IL19: variants seen among roughly 807,000 people sequenced by gnomAD.
IL19 encodes interleukin 19.
A neutral mutation model predicts 19.5 loss-of-function variants in IL19; 15 were observed. The ratio of observed to expected loss-of-function variants is 0.77; its 90% CI spans 0.52 to 1.19. The LOEUF is 1.19. IL19 is among the 50% of genes most tolerant of loss of function. The pLI, the probability that IL19 is intolerant of heterozygous loss-of-function variation, is 0.00. For synonymous variants in IL19, 78 were observed against 78.3 expected (o/e 1.00, Z 0.02); for missense variants, 199 against 213.1 (o/e 0.93, Z 0.41).
intron 5 of IL19, chr1:206,840,228 C>T: frequency 2.9e-6 from 2 of 681,052 alleles, no homozygotes. Context: ...AGATAACCCT[C>T]CTGGGGTGAC....
At chr1:206,795,993 C>T (rs550903910) in intron 1 of IL19, among the ~76,000 whole-genome samples, 2 of 150,616 alleles carry the variant, frequency 1.3e-5, no homozygotes, top group African/African-American at 4.9e-5. Flanking sequence ...GTATGGCTCA[C>T]ATGATTATGG....
chr1:206,789,436 G>A (rs886677101), intron 1 of IL19, among the ~76,000 whole-genome samples: 2 of 152,172 alleles, frequency 1.3e-5, no homozygotes, highest in African/African-American at 2.4e-5. Flanking sequence ...GAACATGGGT[G>A]TTTGGTTTTT....
chr1:206,830,235 A>G (rs1375011089), intron 2 of IL19, among the ~76,000 whole-genome samples: 4 of 152,150 alleles, frequency 2.6e-5, no homozygotes, highest in Non-Finnish European at 5.9e-5. Context: ...CTATTTCTTC[A>G]TCACTGTAAT....
chr1:206,840,818 G>T (rs551294835), intron 5 of IL19, among the ~76,000 whole-genome samples, 186 bp from the exon 6 acceptor site: 3 of 152,140 alleles, frequency 2.0e-5, no homozygotes, highest in African/African-American at 7.2e-5. Flanking sequence ...AACAAAAGGC[G>T]TGGGCAGATG....
chr1:206,781,414 CAAAAAAAAAAAAAA>C (rs57060549), intron 1 of IL19, among the ~76,000 whole-genome samples: 5 of 43,028 alleles, frequency 1.2e-4, no homozygotes, highest in South Asian at 1.3e-3. Context: ...GACTCTGTCT[CAAAAAAAAAAAAAA>C]AAAAAAAAAA....
chr1:206,805,256 T>A (rs1675820579), intron 2 of IL19, among the ~76,000 whole-genome samples: 1 of 152,192 alleles, frequency 6.6e-6, no homozygotes, highest in Admixed American at 6.5e-5. Flanking sequence ...ATAAATAGAT[T>A]TTAGTGCCAA....
At chr1:206,787,231 C>G (rs537725375) in intron 1 of IL19, among the ~76,000 whole-genome samples, 172 of 152,326 alleles carry the variant, frequency 1.1e-3, no homozygotes, top group African/African-American at 4.0e-3. Flanking sequence ...TCAGCACTGC[C>G]TCTTCCATGA....
chr1:206,781,921 TTATATA>T (rs1234292435), intron 1 of IL19, among the ~76,000 whole-genome samples: 5 of 110,498 alleles, frequency 4.5e-5, no homozygotes, highest in Non-Finnish European at 9.5e-5. Flanking sequence ...ATGTATATAG[TTATATA>T]TACATATATA....
intron 1 of IL19, among the ~76,000 whole-genome samples, chr1:206,789,755 G>T (rs1226184669): frequency 6.6e-6 from 1 of 152,096 alleles, no homozygotes; most frequent in Non-Finnish European, 1.5e-5. Context: ...TAGGCCCAGT[G>T]TATGTTGTTC....
chr1:206,776,599 A>G (rs908184416), intron 1 of IL19, among the ~76,000 whole-genome samples: 1 of 152,140 alleles, frequency 6.6e-6, no homozygotes, highest in Admixed American at 6.5e-5. Flanking sequence ...AGACAGGACT[A>G]GCTGGATTTC....
intron 1 of IL19, among the ~76,000 whole-genome samples, chr1:206,787,172 C>T (rs1263171735): frequency 6.6e-6 from 1 of 152,210 alleles, no homozygotes; most frequent in African/African-American, 2.4e-5. Flanking sequence ...CATGGCTTCA[C>T]TGGCCTGCAA....
intron 1 of IL19, among the ~76,000 whole-genome samples, chr1:206,781,414 CAAAAAAAAAAA>C (rs57060549): frequency 7.0e-5 from 3 of 43,028 alleles, no homozygotes; most frequent in Admixed American, 3.2e-4. Context: ...GACTCTGTCT[CAAAAAAAAAAA>C]AAAAAAAAAA....
In IL19 at chr1:206,771,606, C is replaced by T. The variant is rs532028817; in HGVS notation, c.-149+528C>T. 5.3e-5 allele frequency among the ~76,000 whole-genome samples: 8 copies of T among 152,220 alleles called. No individual in the cohort carries two copies. The East Asian group carries it at 1.4e-3, about 26-fold the overall frequency. ...GGACCATCACTTAAATCAGGTCCTC[C>T]TCCTCAGAGTCAAGTTATTTAAAAA... On this transcript the variant is annotated intron_variant, in intron 1 of 6. Transcript: ENST00000659997.
At chr1:206,801,694 A>AC (rs1675712451) in intron 2 of IL19, among the ~76,000 whole-genome samples, 2 of 151,740 alleles carry the variant, frequency 1.3e-5, no homozygotes, top group Admixed American at 1.3e-4. Context: ...TTCTATTATT[A>AC]CCCCCACTTC....
intron 1 of IL19, among the ~76,000 whole-genome samples, chr1:206,786,003 G>A (rs1675262373): frequency 6.6e-6 from 1 of 151,718 alleles, no homozygotes; most frequent in Non-Finnish European, 1.5e-5. Context: ...GAGGGGTGGT[G>A]ACGGGGACTT....
intron 2 of IL19, among the ~76,000 whole-genome samples, chr1:206,815,220 G>A (rs1676124391): frequency 6.6e-6 from 1 of 152,162 alleles, no homozygotes; most frequent in Admixed American, 6.5e-5. Flanking sequence ...CAAACAGCCT[G>A]AGAGAGAAAA....
intron 2 of IL19, among the ~76,000 whole-genome samples, chr1:206,828,719 G>A (rs573883201): frequency 6.6e-6 from 1 of 151,996 alleles, no homozygotes; most frequent in East Asian, 1.9e-4. Flanking sequence ...TTTTTTTTCT[G>A]GATTTTGTGG....
intron 1 of IL19, among the ~76,000 whole-genome samples, chr1:206,797,702 G>A (rs1174770288): frequency 2.0e-5 from 3 of 152,100 alleles, no homozygotes; most frequent in African/African-American, 4.8e-5. Flanking sequence ...TAGAGGTTCC[G>A]TGGCCAAAGG....
intron 2 of IL19, among the ~76,000 whole-genome samples, chr1:206,833,521 T>C (rs1676680699): frequency 6.6e-6 from 1 of 152,244 alleles, no homozygotes; most frequent in Non-Finnish European, 1.5e-5. Flanking sequence ...AATTACCCCC[T>C]GGAAATTTTA....
Sources: allele counts gnomAD v4.1 joint callset (sites outside exome capture counted in the v4.1 genomes callset), GRCh38; gene constraint gnomAD v4.1.1; transcripts MANE v1.5; gene names NCBI Gene and HGNC (gene_info 2026-07-23, HGNC 2026-07-21).